The following PCDHGB2 variants were observed in gnomAD, a reference collection of about 807,000 sequenced individuals.
The protein encoded by PCDHGB2 is protocadherin gamma subfamily B, 2.
In PCDHGB2, 55 loss-of-function variants were observed where a neutral mutation model predicts 59.3. That is an observed-to-expected ratio of 0.93 (90% CI 0.75 to 1.16). The LOEUF is 1.16. Ranked by LOEUF, PCDHGB2 falls within the 50% of genes most tolerant of loss-of-function variation. PCDHGB2 has a pLI of 0.00. For missense variants in PCDHGB2, 1,228 were observed against 1,198.5 expected (o/e 1.02, Z -0.36); for synonymous variants, 516 against 512.0 (o/e 1.01, Z -0.11).
At chr5:141,391,973 G>A (rs1461017619) in intron 1 of PCDHGB2, 2 of 152,056 alleles carry the variant, frequency 1.3e-5, no homozygotes, top group Non-Finnish European at 2.9e-5. Context: ...AAATAAAATA[G>A]CAAAACAATG....
chr5:141,362,133 T>G lies in PCDHGB2; in HGVS notation c.1998T>G (p.Asp666Glu). 2 of 1,614,020 alleles carry G rather than the reference T, an allele frequency of 1.2e-6. No homozygotes were observed. Among genetic ancestry groups the G allele is most frequent in the South Asian group, 2.2e-5 (2 of 91,086 alleles). ...CCACGCTGCACCTAATCTTCGCGGA[T>G]AGCCTGCAAGAGGTATTGCCAGACC... ...ATATLHLIFA[D>E]SLQEVLPDLS... The change falls in exon 1 of 4, where the codon GAT becomes GAG. Residue 666 changes from aspartate to glutamate, a missense_variant. Coordinates refer to ENST00000522605, the MANE Select transcript of PCDHGB2 (RefSeq NM_018923.3).
Position 141,370,599 on chromosome 5 carries a change from A to G in PCDHGB2, c.2421+8043A>G, listed in dbSNP as rs987021743. On this transcript the variant is annotated intron_variant, in intron 1 of 3. Transcript: ENST00000522605. ...TTTACCTACTAGGAACCTGCGGGTT[A>G]TTGCAGAGAAGAAATTCTTTACCGT... is the stretch of plus-strand genomic sequence containing the variant. 11 of 1,613,848 alleles carry G rather than the reference A, an allele frequency of 6.8e-6. No homozygotes were observed. The African/African-American group carries it at 1.2e-4, about 18-fold the overall frequency.
intron 1 of PCDHGB2, among the ~76,000 whole-genome samples, chr5:141,483,832 G>A (rs994540286): frequency 2.0e-5 from 3 of 152,134 alleles, no homozygotes; most frequent in African/African-American, 7.2e-5. Context: ...ACCTAGGTAA[G>A]GACTTGGTTG....
At chr5:141,421,934 T>C (rs1478005202) in intron 1 of PCDHGB2, 1 of 1,613,548 alleles carries the variant, frequency 6.2e-7, no homozygotes, top group Admixed American at 1.7e-5. Context: ...GTCCTCGATG[T>C]AAATGATCAC....
At chr5:141,418,409 G>C in intron 1 of PCDHGB2, 4 of 1,613,910 alleles carry the variant, frequency 2.5e-6, no homozygotes, top group Admixed American at 1.7e-5. Context: ...GGTGGAGAAA[G>C]ACAATCCTGA....
At chr5:141,389,055 A>G in intron 1 of PCDHGB2, 1 of 1,613,996 alleles carries the variant, frequency 6.2e-7, no homozygotes, top group South Asian at 1.1e-5. Context: ...TGTTCCATTT[A>G]AAATATTAAC....
Position 141,375,135 on chromosome 5 carries a change from C to T in PCDHGB2, c.2421+12579C>T, listed in dbSNP as rs757101411. The T allele has an allele frequency of 3.7e-6, 6 of 1,613,924 alleles. No homozygotes were observed. In the East Asian group the frequency reaches 1.3e-4, roughly 36 times the overall value. ...AATGTACCAGAAGTGGTTGTTACATCTGGAAGCAGAACAATTGCTGAAAGT... is the reference window on the plus strand; with the variant it reads ...AATGTACCAGAAGTGGTTGTTACATTTGGAAGCAGAACAATTGCTGAAAGT... On this transcript the variant is annotated intron_variant, in intron 1 of 3. Coordinates refer to ENST00000522605, the MANE Select transcript of PCDHGB2 (RefSeq NM_018923.3).
rs199916536 is a variant in PCDHGB2 at position 141,361,554 on chromosome 5, A to T, written c.1419A>T (p.Gln473His). The T allele has an allele frequency of 6.2e-7, 1 of 1,614,062 alleles. No individual in the cohort carries two copies. Among genetic ancestry groups the T allele is most frequent in the Non-Finnish European group, 8.5e-7 (1 of 1,179,910 alleles). ...ENNPPGASIA[Q>H]ISASDPDLGP... The stretch of plus-strand genomic sequence containing the variant: ...ATCCTCCTGGCGCCTCTATCGCTCA[A>T]ATCAGTGCCTCTGACCCTGACTTGG... Residue 473 changes from glutamine (Q) to histidine (H), a missense_variant, in exon 1 of 4, where the codon CAA (glutamine) becomes CAT (histidine). Around this residue, in one of 3 missense-constraint regions of PCDHGB2, gnomAD observed 781 missense variants for 721.6 expected, o/e 1.08. Coordinates refer to ENST00000522605, the MANE Select transcript of PCDHGB2 (RefSeq NM_018923.3).
intron 1 of PCDHGB2, chr5:141,394,269 C>G (rs367765478): frequency 1.1e-5 from 17 of 1,613,830 alleles, no homozygotes; most frequent in Admixed American, 1.7e-5. Flanking sequence ...GGAGAATGCC[C>G]AGGTCACTTA....
At chr5:141,388,880 G>A (rs1426155590) in intron 1 of PCDHGB2, 1 of 1,613,982 alleles carries the variant, frequency 6.2e-7, no homozygotes, top group Non-Finnish European at 8.5e-7. Flanking sequence ...GCACAGTGGA[G>A]GTAGAAGTCA....
intron 1 of PCDHGB2, chr5:141,392,736 C>T: frequency 2.8e-6 from 4 of 1,429,672 alleles, no homozygotes; most frequent in Non-Finnish European, 3.7e-6. Context: ...TTGTCATCTC[C>T]ATAGCTGCGG....
Position 141,432,326 on chromosome 5 carries a change from G to C in PCDHGB2, c.2422-62481G>C. The C allele has an allele frequency of 1.2e-6, 2 of 1,614,228 alleles. No individual in the cohort carries two copies. The highest frequency in any genetic ancestry group is 2.2e-5 in the East Asian group (1 of 44,890). On this transcript the variant is annotated intron_variant, in intron 1 of 3. Transcript: ENST00000522605. This position sits in a 1 kb window ranked among gnomAD's most constrained non-coding sequence, Gnocchi z 6.0. ...GTATGCGCTGAGCTCCTTCGACTAC[G>C]AGCAGTTCCGAGACTTGCAAGTGAA...
intron 1 of PCDHGB2, among the ~76,000 whole-genome samples, chr5:141,484,021 G>A (rs892390865): frequency 2.6e-5 from 4 of 151,080 alleles, no homozygotes; most frequent in African/African-American, 9.7e-5. Context: ...GGGGTGGGGT[G>A]AGATCAAGTC....
At chr5:141,481,913 CAAAA>C (rs34114744) in intron 1 of PCDHGB2, among the ~76,000 whole-genome samples, 1 of 90,848 alleles carries the variant, frequency 1.1e-5, no homozygotes, top group Non-Finnish European at 2.2e-5. Context: ...AACTCCATCT[CAAAA>C]AAAAAAAAAA....
Position 141,370,766 on chromosome 5 carries a change from G to C in PCDHGB2, c.2421+8210G>C, listed in dbSNP as rs1205087920. On this transcript the variant is annotated intron_variant, in intron 1 of 3. Transcript: ENST00000522605. ...TTTTTCATGTAACTGTGCTGATCCA[G>C]GATATTAACGACAACCCACCGACCT... The C allele has an allele frequency of 1.9e-6, 3 of 1,613,834 alleles. No homozygotes were observed. In the African/African-American group the frequency reaches 4.0e-5, roughly 22 times the overall value.
At chr5:141,474,143 T>C (rs933805562) in intron 1 of PCDHGB2, among the ~76,000 whole-genome samples, 5 of 152,188 alleles carry the variant, frequency 3.3e-5, no homozygotes, top group Non-Finnish European at 5.9e-5. Flanking sequence ...CAGGCCTTAT[T>C]ATCAAGAAAA....
intron 1 of PCDHGB2, among the ~76,000 whole-genome samples, chr5:141,460,804 T>C (rs2098998238): frequency 1.3e-5 from 2 of 152,020 alleles, no homozygotes; most frequent in African/African-American, 4.8e-5. Flanking sequence ...AGTATATATA[T>C]GTATGTATAC....
chr5:141,450,454 G>A (rs144071286), intron 1 of PCDHGB2, among the ~76,000 whole-genome samples: 3,498 of 151,958 alleles, frequency 0.023, 60 homozygotes, highest in Middle Eastern at 0.051. Flanking sequence ...ATGTTTCCTC[G>A]TGATTTTATA....
At chr5:141,454,997 A>G (rs2098809547) in intron 1 of PCDHGB2, among the ~76,000 whole-genome samples, 2 of 151,192 alleles carry the variant, frequency 1.3e-5, no homozygotes, top group Admixed American at 6.6e-5. Flanking sequence ...TATTTTTAGT[A>G]GAGACGGGGT....
Sources: allele counts gnomAD v4.1 joint callset (sites outside exome capture counted in the v4.1 genomes callset), GRCh38; gene constraint gnomAD v4.1.1; regional missense constraint gnomAD v4.1.1; non-coding constraint Gnocchi (gnomAD v3.1); transcripts MANE v1.5; gene names NCBI Gene and HGNC (gene_info 2026-07-23, HGNC 2026-07-21).